Variants in RBBP6 observed in about 807,000 individuals in gnomAD.
RBBP6 encodes E3 ubiquitin-protein ligase RBBP6.
A neutral mutation model predicts 167.7 loss-of-function variants in RBBP6; 25 were observed. That is an observed-to-expected ratio of 0.15 (90% CI 0.11 to 0.21). The LOEUF (loss-of-function observed/expected upper bound fraction) is 0.21, where lower values mean the gene tolerates loss of function less well. RBBP6 is among the 10% of genes least tolerant of loss of function. The pLI is 1.00. For synonymous variants in RBBP6, 789 were observed against 735.8 expected, an observed-to-expected ratio of 1.07 and a Z score of -1.17; for missense variants, 1,868 against 2,134.2, an observed-to-expected ratio of 0.88 and a Z score of 2.46.
At chr16:24,553,643 G>A in intron 4 of RBBP6, 86 bp downstream of exon 4, 1 of 1,087,644 alleles carries the variant, frequency 9.2e-7, no homozygotes, top group Non-Finnish European at 1.3e-6. Flanking sequence ...AAGAGGGGTT[G>A]GGGGAGGACA....
chr16:24,542,744 T>C (rs969576173), intron 1 of RBBP6, among the ~76,000 whole-genome samples: 25 of 152,194 alleles, frequency 1.6e-4, no homozygotes, highest in African/African-American at 5.8e-4. Flanking sequence ...ATTACAGGCA[T>C]GTGAATGCAA....
Position 24,540,486 on chromosome 16 carries a change from G to C in RBBP6, c.-141G>C. On this transcript the variant is annotated 5_prime_UTR_variant, in exon 1 of 18. Transcript: ENST00000319715. ...TGACGAACCCCTGCTTGTGGTTGGG[G>C]GGTATTTAATCTGAGGCCTTAGGGT... 1 of 718,528 alleles carries C rather than the reference G, an allele frequency of 1.4e-6. No individual in the cohort carries two copies. Among genetic ancestry groups the C allele is most frequent in the Non-Finnish European group, 2.2e-6 (1 of 457,918 alleles). 44.5% of individuals were successfully genotyped at this position (718,528 alleles called of 1,614,324 possible). A position where few individuals can be genotyped will look rare whatever the true frequency, so the allele number is the denominator to read the frequency against.
chr16:24,570,227 A>G lies in RBBP6; in HGVS notation c.3537A>G (p.Ser1179=). The change falls in exon 17 of 18, where the codon TCA becomes TCG. Residue 1179 remains serine, a synonymous_variant. Transcript: ENST00000319715. ...KLEVTEIVKP[S]PKRKMEPDTE... ...AAGTGACTGAAATAGTGAAACCATCACCAAAGCGCAAAATGGAACCTGATA... is the reference window on the plus strand; with the variant it reads ...AAGTGACTGAAATAGTGAAACCATCGCCAAAGCGCAAAATGGAACCTGATA... 1 of 1,612,956 alleles carries G rather than the reference A, an allele frequency of 6.2e-7. No homozygotes were observed. Among genetic ancestry groups the G allele is most frequent in the African/African-American group, 1.3e-5 (1 of 74,972 alleles).
intron 7 of RBBP6, chr16:24,558,399 C>CT: frequency 1.9e-5 from 5 of 262,182 alleles, no homozygotes; most frequent in Non-Finnish European, 2.4e-5. Context: ...TTTTTTTTTT[C>CT]TTTTTTCTCT....
In RBBP6 at chr16:24,572,844, T is replaced by C; in HGVS notation, c.*399T>C. 1 of 162,384 alleles carries C rather than the reference T, an allele frequency of 6.2e-6. No homozygotes were observed. Among genetic ancestry groups the C allele is most frequent in the Non-Finnish European group, 1.3e-5 (1 of 74,812 alleles). The allele number at this position is 162,384 out of a possible 1,614,324, so 10.1% of individuals were successfully genotyped here. A position where few individuals can be genotyped will look rare whatever the true frequency, so the allele number is the denominator to read the frequency against. On this transcript the variant is annotated 3_prime_UTR_variant, in exon 18 of 18. Transcript: ENST00000319715. ...TGTCACTTTTTGATTACAATAAAAG[T>C]TTTCAGTAAACTTTTCAAATGTTGA... is the stretch of plus-strand genomic sequence containing the variant.
intron 3 of RBBP6, chr16:24,549,359 T>G: frequency 9.6e-7 from 1 of 1,045,094 alleles, no homozygotes; most frequent in Non-Finnish European, 1.2e-6. Context: ...TACAGGCTGT[T>G]GTGTGCTTTT....
At chr16:24,540,893 C>G in intron 1 of RBBP6, 101 bp downstream of exon 1, 1 of 1,397,280 alleles carries the variant, frequency 7.2e-7, no homozygotes, top group Non-Finnish European at 9.6e-7. Flanking sequence ...CTAGTGGGGA[C>G]TGTTCGTTCT....
intron 17 of RBBP6, 125 bp from the exon 18 acceptor site, chr16:24,570,751 A>G: frequency 1.1e-6 from 1 of 911,592 alleles, no homozygotes; most frequent in Non-Finnish European, 1.5e-6. Context: ...GGGCAGAATA[A>G]GTTTTTTGTT....
At chr16:24,570,689 G>A (rs1462332323) in intron 17 of RBBP6, among the ~76,000 whole-genome samples, 187 bp from the exon 18 acceptor site, 1 of 152,132 alleles carries the variant, frequency 6.6e-6, no homozygotes, top group Non-Finnish European at 1.5e-5. Flanking sequence ...TTTTGGGGGT[G>A]AGCCACATTT....
rs1899218644 is a variant in RBBP6 at position 24,567,294 on chromosome 16, C to T, written c.1741C>T (p.Pro581Ser). The T allele has an allele frequency of 1.2e-6, 2 of 1,614,124 alleles. No individual in the cohort carries two copies. The highest frequency in any genetic ancestry group is 1.7e-6 in the Non-Finnish European group (2 of 1,179,992). Residue 581 changes from proline to serine, a missense_variant, in exon 15 of 18, where the codon CCA becomes TCA. Coordinates refer to ENST00000319715, the MANE Select transcript of RBBP6 (RefSeq NM_006910.5). ...TLPLPPGVPP[P>S]QFSPQFPPGQ... ...TCCTCTCCCTCCGGGTGTTCCTCCT[C>T]CACAGTTTTCTCCTCAGTTTCCTCC...
At chr16:24,552,565 AAAAT>A (rs1181999370) in intron 3 of RBBP6, among the ~76,000 whole-genome samples, 1 of 151,904 alleles carries the variant, frequency 6.6e-6, no homozygotes, top group Non-Finnish European at 1.5e-5. Context: ...TCAAATGAAA[AAAAT>A]TAGTGTTCAA....
At chr16:24,545,315 G>GC (rs1168492967) in intron 1 of RBBP6, among the ~76,000 whole-genome samples, 4 of 151,986 alleles carry the variant, frequency 2.6e-5, no homozygotes, top group African/African-American at 4.8e-5. Flanking sequence ...CTCGTGATCC[G>GC]CCCCCCTCAG....
rs1899291716 is a variant in RBBP6 at position 24,570,172 on chromosome 16, A to G, written c.3482A>G (p.Glu1161Gly). The change falls in exon 17 of 18, where the codon GAG becomes GGG. Residue 1161 changes from glutamate (E) to glycine (G), a missense_variant. Transcript: ENST00000319715. ...TEEKGVDKDF[E>G]SSSMKISKLE... The stretch of plus-strand genomic sequence containing the variant: ...GAAAAAGGCGTAGATAAAGATTTTG[A>G]GTCTTCTTCAATGAAAATCTCGAAA... 2.5e-6 allele frequency: 4 copies of G among 1,597,302 alleles called. No homozygotes were observed. The East Asian group carries it at 6.7e-5, about 27-fold the overall frequency.
chr16:24,555,973 C>T, intron 6 of RBBP6, 56 bp downstream of exon 6: 1 of 1,417,566 alleles, frequency 7.1e-7, no homozygotes, highest in Non-Finnish European at 9.9e-7. Flanking sequence ...TGGAATTGTT[C>T]CTTAGCTATC....
intron 1 of RBBP6, 25 bp downstream of exon 1, chr16:24,540,817 ATTTG>A: frequency 6.3e-7 from 1 of 1,599,090 alleles, no homozygotes; most frequent in East Asian, 2.2e-5. Flanking sequence ...GTCTTAAGAT[ATTTG>A]GTGGCTGGAG....
In RBBP6 at chr16:24,572,185, T is replaced by G. The variant is rs142924274; in HGVS notation, c.5119T>G (p.Ser1707Ala). The G allele has an allele frequency of 2.5e-6, 4 of 1,613,782 alleles. No individual in the cohort carries two copies. Among genetic ancestry groups the G allele is most frequent in the Non-Finnish European group, 2.5e-6 (3 of 1,179,856 alleles). ...CAGCCCCAGCAGAAGCCACAGTCCT[T>G]CTGGAAGCCAGACCCGAAGCCACAG... ...SVSPSRSHSP[S>A]GSQTRSHSSS... is the part of the protein sequence containing the mutation. Residue 1707 changes from serine (S) to alanine (A), a missense_variant, in exon 18 of 18, where the codon TCT (serine) becomes GCT (alanine). Ser to Ala is a moderately conservative substitution (Grantham distance 99). Around this residue, in one of 7 missense-constraint regions of RBBP6, gnomAD observed 591 missense variants for 540.5 expected, o/e 1.09. Coordinates refer to ENST00000319715, the MANE Select transcript of RBBP6 (RefSeq NM_006910.5).
rs1445407557 is a variant in RBBP6 at position 24,572,558 on chromosome 16, C to T, written c.*113C>T. On this transcript the variant is annotated 3_prime_UTR_variant, in exon 18 of 18. Coordinates refer to ENST00000319715, the MANE Select transcript of RBBP6 (RefSeq NM_006910.5). Reference sequence around the variant, plus strand: ...ATGACATGGAAGACCCTGTGCTGCACTTAAAATATTGCTGCTTGATTATTT... The same window carrying T: ...ATGACATGGAAGACCCTGTGCTGCATTTAAAATATTGCTGCTTGATTATTT... 3.0e-6 allele frequency: 4 copies of T among 1,323,358 alleles called. No homozygotes were observed. Among genetic ancestry groups the T allele is most frequent in the Non-Finnish European group, 4.0e-6 (4 of 1,004,114 alleles). 82.0% of individuals were successfully genotyped at this position (1,323,358 alleles called of 1,614,324 possible). A position where few individuals can be genotyped will look rare whatever the true frequency, so the allele number is the denominator to read the frequency against.
intron 3 of RBBP6, among the ~76,000 whole-genome samples, chr16:24,550,365 T>G (rs948816482): frequency 2.3e-5 from 3 of 131,914 alleles, no homozygotes; most frequent in African/African-American, 7.5e-5. Context: ...TTTTTTTTGT[T>G]TTTTTGTTTT....
In RBBP6 at chr16:24,570,111, GATA is replaced by G. The variant is rs1596514914; in HGVS notation, c.3426_3428del (p.Asn1142del). ...GCCTAATGAGAAAAACAAACCACTT[GATA>G]ATAAGGGAGAAAAAAGAAAAAGAAA... On this transcript the variant is annotated inframe_deletion, in exon 17 of 18. Coordinates refer to ENST00000319715, the MANE Select transcript of RBBP6 (RefSeq NM_006910.5). 6 of 1,590,866 alleles carry G rather than the reference GATA, an allele frequency of 3.8e-6. No individual in the cohort carries two copies. Among genetic ancestry groups the G allele is most frequent in the Non-Finnish European group, 5.1e-6 (6 of 1,174,698 alleles).
Sources: allele counts gnomAD v4.1 joint callset (sites outside exome capture counted in the v4.1 genomes callset), GRCh38; gene constraint gnomAD v4.1.1; regional missense constraint gnomAD v4.1.1; transcripts MANE v1.5; gene names NCBI Gene and HGNC (gene_info 2026-07-23, HGNC 2026-07-21).